The following SOD2 variants were observed in gnomAD, a reference collection of about 807,000 sequenced individuals.
SOD2 encodes the protein superoxide dismutase 2.
SOD2 carries 11 observed loss-of-function variants against 27.0 expected under a neutral mutation model. The observed-to-expected ratio is 0.41, with a 90% CI of 0.26 to 0.67. SOD2 has a LOEUF of 0.67. Among genes scored for constraint, SOD2 ranks in the 30% least tolerant of loss-of-function variants. SOD2 has a pLI of 0.34. For synonymous variants in SOD2, 105 were observed against 103.0 expected (o/e 1.02, Z -0.12); for missense variants, 250 against 274.5 (o/e 0.91, Z 0.63).
At chr6:159,702,162 T>A (rs1777532625) in intron 1 of SOD2, among the ~76,000 whole-genome samples, 1 of 152,200 alleles carries the variant, frequency 6.6e-6, no homozygotes, top group Admixed American at 6.5e-5. Flanking sequence ...TAGTTGTGCC[T>A]TTATGCTGCT....
At position 159,757,775 on chromosome 6, in the gene SOD2, T is replaced by G. The variant is rs188634078; in HGVS notation, c.-336+3262A>C. 4.6e-5 allele frequency among the ~76,000 whole-genome samples: 7 copies of G among 152,332 alleles called. No individual in the cohort carries two copies. In the East Asian group the frequency reaches 1.4e-3, roughly 29 times the overall value. On this transcript the variant is annotated intron_variant, in intron 1 of 7. Transcript: ENST00000546087. ...AATCCTATACGATTTTTAATTTGCA[T>G]GTGATTAAACATTTTGGTGTTTGAT...
intron 1 of SOD2, among the ~76,000 whole-genome samples, chr6:159,700,450 C>T (rs763539913): frequency 6.6e-5 from 10 of 152,042 alleles, no homozygotes; most frequent in African/African-American, 9.7e-5. Context: ...GTCAGGCGAT[C>T]GAGACCATCC....
At chr6:159,740,344 T>C (rs1340802701) in intron 1 of SOD2, among the ~76,000 whole-genome samples, 1 of 152,240 alleles carries the variant, frequency 6.6e-6, no homozygotes, top group Admixed American at 6.5e-5. Context: ...TGTATTTCCT[T>C]GAGGTCAGTT....
At chr6:159,751,342 C>G (rs1361379658) in intron 1 of SOD2, among the ~76,000 whole-genome samples, 4 of 152,138 alleles carry the variant, frequency 2.6e-5, no homozygotes, top group East Asian at 1.9e-4. Context: ...ATGTATCTTA[C>G]AGTTGTCTTT....
chr6:159,736,026 A>G (rs1778891262), intron 1 of SOD2, among the ~76,000 whole-genome samples: 1 of 152,182 alleles, frequency 6.6e-6, no homozygotes, highest in South Asian at 2.1e-4. Flanking sequence ...AACTCTAATG[A>G]TGGAAGATGT....
chr6:159,727,374 T>TGGCAGGAGGGGGGAGGCGGGA (rs776889635), upstream of SOD2: 14 of 1,033,154 alleles, frequency 1.4e-5, no homozygotes, highest in Non-Finnish European at 1.3e-5. Context: ...GCGGGGAGGC[T>TGGCAGGAGGGGGGAGGCGGGA]GGCGGGAGGC....
At chr6:159,757,428 T>TTG (rs1780038878) in intron 1 of SOD2, among the ~76,000 whole-genome samples, 1 of 151,610 alleles carries the variant, frequency 6.6e-6, no homozygotes. Context: ...TCTTTTTTTT[T>TTG]TTTGCCGAGA....
In SOD2 at chr6:159,669,755, C is replaced by T. The variant is rs188362488; in HGVS notation, c.*12738G>A. On this transcript the variant is annotated 3_prime_UTR_variant, in exon 5 of 5. Coordinates refer to ENST00000538183, the MANE Select transcript of SOD2 (RefSeq NM_000636.4). ...TTTTGACTTAAAGTCTATTTTATCT[C>T]ATGTAAGTATAGTTATTTCTGCTCT... The T allele has an allele frequency of 6.9e-4, 105 of 152,266 alleles. No homozygotes were observed. Among genetic ancestry groups the T allele is most frequent in the African/African-American group, 2.5e-3 (102 of 41,550 alleles). 9.4% of individuals were successfully genotyped at this position (152,266 alleles called of 1,614,324 possible). A position where few individuals can be genotyped will look rare whatever the true frequency, so the allele number is the denominator to read the frequency against.
chr6:159,761,356 C>A (rs150606541), exon 1 of SOD2: 3 of 316,426 alleles, frequency 9.5e-6, no homozygotes, highest in Non-Finnish European at 1.9e-5. Flanking sequence ...TTGTTACATG[C>A]TCCTTTCACT....
Position 159,723,458 on chromosome 6 carries a change from C to T in SOD2, c.-116+3671G>A, listed in dbSNP as rs567263321. On this transcript the variant is annotated intron_variant, in intron 1 of 2. Coordinates refer to the SOD2 transcript ENST00000401980. Reference sequence around the variant, plus strand: ...GCACTTCCTCTGCATTCAGGCACAACGAAATACCTGGCTCATCTTGTACCT... The same window carrying T: ...GCACTTCCTCTGCATTCAGGCACAATGAAATACCTGGCTCATCTTGTACCT... Among the ~76,000 whole-genome samples the T allele has an allele frequency of 3.9e-5, 6 of 152,322 alleles. No homozygotes were observed. The South Asian group carries it at 6.2e-4, about 16-fold the overall frequency.
chr6:159,688,221 G>A lies in SOD2; in HGVS notation c.248C>T (p.Ala83Val). ...LAKGDVTAQI[A>V]LQPALKFNGG... ...ATTGAACTTCAGTGCAGGCTGAAGA[G>A]CTATCTGGGCTGTAACATCTCCTGA... The change falls in exon 3 of 5, where the codon GCT (alanine) becomes GTT (valine). Residue 83 changes from alanine to valine, a missense_variant. Ala to Val is a moderately conservative substitution (Grantham distance 64, BLOSUM62 0). Coordinates refer to ENST00000538183, the MANE Select transcript of SOD2 (RefSeq NM_000636.4). 6.2e-7 allele frequency: 1 copy of A among 1,609,220 alleles called. No individual in the cohort carries two copies. The highest frequency in any genetic ancestry group is 8.5e-7 in the Non-Finnish European group (1 of 1,176,058).
At chr6:159,738,633 C>T (rs1055977085) in intron 1 of SOD2, among the ~76,000 whole-genome samples, 4 of 152,154 alleles carry the variant, frequency 2.6e-5, no homozygotes, top group Admixed American at 6.5e-5. Context: ...AAAGGAACTG[C>T]CATACTTCTT....
intron 2 of SOD2, chr6:159,692,385 G>A: frequency 1.5e-6 from 2 of 1,357,680 alleles, no homozygotes; most frequent in Non-Finnish European, 1.9e-6. Flanking sequence ...CTGGCAATAT[G>A]TGTAACGGAA....
chr6:159,761,905 C>G, exon 1 of SOD2: 1 of 470,708 alleles, frequency 2.1e-6, no homozygotes, highest in Non-Finnish European at 3.3e-6. Flanking sequence ...CGCGCCTCCG[C>G]CCGCCCCTGC....
At chr6:159,716,758 T>C (rs1424665236) in intron 1 of SOD2, among the ~76,000 whole-genome samples, 1 of 152,152 alleles carries the variant, frequency 6.6e-6, no homozygotes, top group African/African-American at 2.4e-5. Context: ...ATGCTAAATG[T>C]CCTAAAATGC....
chr6:159,672,812 G>C lies in SOD2; in HGVS notation c.*9681C>G, dbSNP rs1779696620. 6.6e-6 allele frequency: 1 copy of C among 151,996 alleles called. No individual in the cohort carries two copies. The highest frequency in any genetic ancestry group is 6.6e-5 in the Admixed American group (1 of 15,230). The allele number at this position is 151,996 out of a possible 1,614,324, so 9.4% of individuals were successfully genotyped here. On this transcript the variant is annotated 3_prime_UTR_variant, in exon 5 of 5. Transcript: ENST00000538183. ...CACAGACTGGCACACTGGATAAAGAGTCAAGACCCATCAGGGTGCTGTATT... is the reference window on the plus strand; with the variant it reads ...CACAGACTGGCACACTGGATAAAGACTCAAGACCCATCAGGGTGCTGTATT...
At chr6:159,707,952 G>A (rs1345861903) in intron 1 of SOD2, among the ~76,000 whole-genome samples, 1 of 152,060 alleles carries the variant, frequency 6.6e-6, no homozygotes, top group African/African-American at 2.4e-5. Context: ...TGGGATGCAA[G>A]GCTGGTTCAA....
rs541997936 is a variant in SOD2 at position 159,669,128 on chromosome 6, T to C, written c.*13365A>G. ...AGCATTTTTGTACATGAAAAAGCTTTCCCCCTACAACTAATAAGGTACAAA... is the reference window on the plus strand; with the variant it reads ...AGCATTTTTGTACATGAAAAAGCTTCCCCCCTACAACTAATAAGGTACAAA... On this transcript the variant is annotated 3_prime_UTR_variant, in exon 5 of 5. Coordinates refer to ENST00000538183, the MANE Select transcript of SOD2 (RefSeq NM_000636.4). 6.6e-6 allele frequency: 1 copy of C among 152,190 alleles called. No homozygotes were observed. The highest frequency in any genetic ancestry group is 2.4e-5 in the African/African-American group (1 of 41,442). The allele number at this position is 152,190 out of a possible 1,614,324, so 9.4% of individuals were successfully genotyped here.
exon 1 of SOD2, chr6:159,727,270 C>T (rs1778228279): frequency 7.8e-7 from 1 of 1,283,144 alleles, no homozygotes; most frequent in Non-Finnish European, 1.0e-6. Flanking sequence ...CTTCACCTTT[C>T]CTCTCCTGGC....
Sources: gnomAD v4.1 joint callset for allele counts (sites outside exome capture counted in the v4.1 genomes callset) on GRCh38, gnomAD v4.1.1 for gene constraint, MANE v1.5 for transcripts, NCBI Gene and HGNC (gene_info 2026-07-23, HGNC 2026-07-21) for gene names.